The following ADAD1 variants were observed in gnomAD, a reference collection of about 807,000 sequenced individuals.
ADAD1 encodes the protein adenosine deaminase domain-containing protein 1.
ADAD1 carries 46 observed loss-of-function variants against 66.8 expected under a neutral mutation model. The ratio of observed to expected loss-of-function variants is 0.69; its 90% CI spans 0.54 to 0.88. The LOEUF (loss-of-function observed/expected upper bound fraction) is 0.88, where lower values mean the gene tolerates loss of function less well. Ranked by LOEUF, ADAD1 falls within the 40% of genes least tolerant of loss-of-function variation. ADAD1 has a pLI of 0.00. For missense variants in ADAD1, 617 were observed against 681.8 expected (o/e 0.91, Z 1.06); for synonymous variants, 248 against 229.4 (o/e 1.08, Z -0.73).
In ADAD1 at chr4:122,383,995, TAA is replaced by T. The variant is rs149505682; in HGVS notation, c.529+30_529+31del. ...AATACTCTTGATTATAAAGTATTTA[TAA>T]GAGGTATCATTTTTCAAAAGGAATC... is the stretch of plus-strand genomic sequence containing the variant. On this transcript the variant is annotated intron_variant, in intron 5 of 12. Coordinates refer to ENST00000296513, the MANE Select transcript of ADAD1 (RefSeq NM_139243.4). 1,946 of 1,537,748 alleles carry T rather than the reference TAA, an allele frequency of 1.3e-3. 13 individuals carry two copies. In the African/African-American group the frequency reaches 0.024, roughly 19 times the overall value.
At chr4:122,401,107 G>A (rs1795955845) in intron 7 of ADAD1, among the ~76,000 whole-genome samples, 1 of 151,924 alleles carries the variant, frequency 6.6e-6, no homozygotes, top group Admixed American at 6.6e-5. Context: ...GTCTGTTTGT[G>A]CCCTTTCAGA....
intron 9 of ADAD1, among the ~76,000 whole-genome samples, chr4:122,412,078 A>G (rs1459045618): frequency 6.6e-6 from 1 of 152,178 alleles, no homozygotes; most frequent in Non-Finnish European, 1.5e-5. Flanking sequence ...AAGTCTGACC[A>G]TCTAGTGGTA....
At chr4:122,429,587 T>C in intron 12 of ADAD1, 39 bp from the exon 13 acceptor site, 4 of 1,353,004 alleles carry the variant, frequency 3.0e-6, no homozygotes, top group Non-Finnish European at 4.2e-6. Context: ...AATCAAATGC[T>C]GCCTATTTTC....
intron 5 of ADAD1, among the ~76,000 whole-genome samples, chr4:122,390,663 A>T (rs190128800): frequency 6.6e-6 from 1 of 152,266 alleles, no homozygotes; most frequent in African/African-American, 2.4e-5. Flanking sequence ...ATACTTGTGT[A>T]TGCTTCACAA....
chr4:122,419,869 A>G (rs977915056), intron 11 of ADAD1, among the ~76,000 whole-genome samples: 8 of 152,234 alleles, frequency 5.3e-5, no homozygotes, highest in African/African-American at 1.2e-4. Flanking sequence ...ATAAAAAGGA[A>G]TAGCTAGGTA....
At chr4:122,390,508 G>A (rs1055077783) in intron 5 of ADAD1, among the ~76,000 whole-genome samples, 6 of 152,036 alleles carry the variant, frequency 3.9e-5, no homozygotes, top group Non-Finnish European at 8.8e-5. Flanking sequence ...TCAATCATAG[G>A]TTTGGTCTTT....
At position 122,412,837 on chromosome 4, in the gene ADAD1, CCT is replaced by C. The variant is rs768501085; in HGVS notation, c.1249+32_1249+33del. On this transcript the variant is annotated intron_variant, in intron 10 of 12. Transcript: ENST00000296513. ...GAGTGGGATTTCAGAACCTCCTGGGCCTCTCACTCACTAAGCAAATTCTCTGT... is the reference window on the plus strand; with the variant it reads ...GAGTGGGATTTCAGAACCTCCTGGGCCTCACTCACTAAGCAAATTCTCTGT... 2.4e-5 allele frequency: 37 copies of C among 1,572,102 alleles called. 1 individual carries two copies. The Middle Eastern group carries it at 1.0e-3, about 43-fold the overall frequency.
chr4:122,387,166 G>C (rs541094752), intron 5 of ADAD1, among the ~76,000 whole-genome samples: 1 of 152,042 alleles, frequency 6.6e-6, no homozygotes, highest in African/African-American at 2.4e-5. Context: ...TCTTCTATCC[G>C]TGAGGATGGA....
At chr4:122,402,685 A>AT (rs1312489493) in intron 7 of ADAD1, among the ~76,000 whole-genome samples, 1 of 151,746 alleles carries the variant, frequency 6.6e-6, no homozygotes, top group East Asian at 1.9e-4. Context: ...GGCTTTGTTC[A>AT]TTTTTTTATA....
chr4:122,404,576 G>C (rs1796123591), intron 7 of ADAD1, among the ~76,000 whole-genome samples: 1 of 152,046 alleles, frequency 6.6e-6, no homozygotes. Context: ...TCTTTCAAAG[G>C]GTCTGTAAAT....
intron 12 of ADAD1, among the ~76,000 whole-genome samples, chr4:122,429,292 G>C (rs28488487): frequency 1.3e-5 from 2 of 151,898 alleles, no homozygotes; most frequent in East Asian, 3.9e-4. Context: ...AAAAATAGCA[G>C]GGCATGGTGG....
Position 122,391,559 on chromosome 4 carries a change from C to G in ADAD1, c.530-2030C>G, listed in dbSNP as rs1012016447. 2.0e-5 allele frequency among the ~76,000 whole-genome samples: 3 copies of G among 152,198 alleles called. No individual in the cohort carries two copies. The East Asian group carries it at 5.8e-4, about 29-fold the overall frequency. ...CCAAATTCTGTCCCTGAGCCTCTAG[C>G]TGGAGTTATTGGAGATCCTCCAGGG... is the stretch of plus-strand genomic sequence containing the variant. On this transcript the variant is annotated intron_variant, in intron 5 of 12. Coordinates refer to ENST00000296513, the MANE Select transcript of ADAD1 (RefSeq NM_139243.4).
chr4:122,385,249 C>T (rs1795111576), intron 5 of ADAD1, among the ~76,000 whole-genome samples: 1 of 151,796 alleles, frequency 6.6e-6, no homozygotes, highest in South Asian at 2.1e-4. Context: ...TAATATTTTG[C>T]ACATGGTTTT....
chr4:122,391,757 T>C (rs1447606572), intron 5 of ADAD1, among the ~76,000 whole-genome samples: 1 of 152,228 alleles, frequency 6.6e-6, no homozygotes, highest in Non-Finnish European at 1.5e-5. Context: ...TCACCCATAC[T>C]GGAGGGCAAT....
chr4:122,409,125 A>G (rs942195838), intron 8 of ADAD1, among the ~76,000 whole-genome samples: 4 of 152,180 alleles, frequency 2.6e-5, no homozygotes, highest in Non-Finnish European at 5.9e-5. Context: ...AGGCTGACAT[A>G]TCTTGAAGAG....
intron 11 of ADAD1, 105 bp downstream of exon 11, chr4:122,415,721 A>T: frequency 3.1e-6 from 3 of 961,228 alleles, no homozygotes; most frequent in East Asian, 2.5e-5. Flanking sequence ...TTGAACTCTG[A>T]ACAATAATTA....
intron 11 of ADAD1, 36 bp downstream of exon 11, chr4:122,415,652 T>G: frequency 6.4e-7 from 1 of 1,553,076 alleles, no homozygotes; most frequent in Non-Finnish European, 8.8e-7. Context: ...CATATATTAC[T>G]TAAGCAAAAG....
Position 122,429,673 on chromosome 4 carries a change from C to G in ADAD1, c.1665C>G (p.Tyr555Ter). 2 of 1,613,602 alleles carry G rather than the reference C, an allele frequency of 1.2e-6. No individual in the cohort carries two copies. Among genetic ancestry groups the G allele is most frequent in the Non-Finnish European group, 8.5e-7 (1 of 1,179,692 alleles). The change falls in exon 13 of 13, where the codon TAC becomes TAG. Residue 555 changes from tyrosine to a stop codon, truncating the protein, a stop_gained. Coordinates refer to ENST00000296513, the MANE Select transcript of ADAD1 (RefSeq NM_139243.4). LOFTEE classifies it high-confidence loss of function. Reference protein sequence around the residue: ...YQEAKCKLKSYLQQHGYGSWI... With the variant: ...YQEAKCKLKS ...AAGCTAAATGTAAGTTGAAATCCTA[C>G]TTACAACAACATGGCTATGGATCCT... is the stretch of plus-strand genomic sequence containing the variant.
At chr4:122,391,393 A>T (rs1030940737) in intron 5 of ADAD1, among the ~76,000 whole-genome samples, 10 of 152,206 alleles carry the variant, frequency 6.6e-5, no homozygotes, top group Non-Finnish European at 4.4e-5. Flanking sequence ...CCTTTGTTGG[A>T]GAGGGTGTGC....
Sources: gnomAD v4.1 joint callset for allele counts (sites outside exome capture counted in the v4.1 genomes callset) on GRCh38, gnomAD v4.1.1 for gene constraint, MANE v1.5 for transcripts, NCBI Gene and HGNC (gene_info 2026-07-23, HGNC 2026-07-21) for gene names.